LURAP1L: variants seen among roughly 807,000 people sequenced by gnomAD.
LURAP1L encodes leucine rich adaptor protein 1 like, also known as leucine rich adaptor protein 1-like.
A neutral mutation model predicts 13.8 loss-of-function variants in LURAP1L; 12 were observed. The ratio of observed to expected loss-of-function variants is 0.87; its 90% CI spans 0.56 to 1.41. LURAP1L has a LOEUF of 1.41. Among genes scored for constraint, LURAP1L ranks in the 40% most tolerant of loss-of-function variants. The pLI is 0.00. For missense variants in LURAP1L, 375 were observed against 292.9 expected (o/e 1.28, Z -2.04); for synonymous variants, 139 against 119.2 (o/e 1.17, Z -1.08).
At chr9:12,789,562 T>G (rs1338640601) in intron 1 of LURAP1L, among the ~76,000 whole-genome samples, 1 of 152,208 alleles carries the variant, frequency 6.6e-6, no homozygotes, top group Non-Finnish European at 1.5e-5. Context: ...AGGTTCAGAA[T>G]GTCCTCTCTT....
At chr9:12,811,127 T>C (rs1819730434) in intron 1 of LURAP1L, among the ~76,000 whole-genome samples, 1 of 152,168 alleles carries the variant, frequency 6.6e-6, no homozygotes, top group Non-Finnish European at 1.5e-5. Flanking sequence ...TCACCTCCTC[T>C]TTTTCTCCTA....
chr9:12,799,279 G>A (rs1563892964), intron 1 of LURAP1L, among the ~76,000 whole-genome samples: 1 of 152,068 alleles, frequency 6.6e-6, no homozygotes, highest in African/African-American at 2.4e-5. Flanking sequence ...TGATTCCTCT[G>A]TCTGTCTTTA....
intron 1 of LURAP1L, among the ~76,000 whole-genome samples, chr9:12,809,069 A>G (rs772914291): frequency 5.3e-5 from 8 of 152,102 alleles, no homozygotes; most frequent in Non-Finnish European, 8.8e-5. Flanking sequence ...AAGTGACGAG[A>G]TACCACATTC....
intron 1 of LURAP1L, among the ~76,000 whole-genome samples, chr9:12,815,233 G>A (rs954464649): frequency 2.0e-5 from 3 of 152,048 alleles, no homozygotes; most frequent in Admixed American, 2.0e-4. Context: ...TTGGAGAGAG[G>A]GCAAATTTGA....
Position 12,789,876 on chromosome 9 carries a change from A to G in LURAP1L, c.312+13849A>G, listed in dbSNP as rs549416180. Reference sequence around the variant, plus strand: ...GACTACAGATAAAGCCCTTTTTAGGATTATGCAGGAACCATGGACAAGAAT... The same window carrying G: ...GACTACAGATAAAGCCCTTTTTAGGGTTATGCAGGAACCATGGACAAGAAT... On this transcript the variant is annotated intron_variant, in intron 1 of 1. Coordinates refer to ENST00000319264, the MANE Select transcript of LURAP1L (RefSeq NM_203403.2). Among the ~76,000 whole-genome samples, 4 of 152,306 alleles carry G rather than the reference A, an allele frequency of 2.6e-5. No individual in the cohort carries two copies. The South Asian group carries it at 8.3e-4, about 32-fold the overall frequency.
At chr9:12,791,830 G>A (rs1473072931) in intron 1 of LURAP1L, among the ~76,000 whole-genome samples, 1 of 152,000 alleles carries the variant, frequency 6.6e-6, no homozygotes, top group Non-Finnish European at 1.5e-5. Flanking sequence ...GGGCATAAAT[G>A]TTGTCCTTCG....
chr9:12,794,156 T>C (rs1586879592), intron 1 of LURAP1L, among the ~76,000 whole-genome samples: 1 of 151,994 alleles, frequency 6.6e-6, no homozygotes, highest in Non-Finnish European at 1.5e-5. Flanking sequence ...CTTTCCCCCT[T>C]CCTAAACTGG....
chr9:12,808,861 T>G (rs536521853), intron 1 of LURAP1L, among the ~76,000 whole-genome samples: 2 of 152,250 alleles, frequency 1.3e-5, no homozygotes, highest in African/African-American at 4.8e-5. Context: ...TGTTATTCTG[T>G]GTCAGTCCAT....
At chr9:12,792,678 T>G (rs534024214) in intron 1 of LURAP1L, among the ~76,000 whole-genome samples, 1 of 152,080 alleles carries the variant, frequency 6.6e-6, no homozygotes, top group South Asian at 2.1e-4. Context: ...TTAAAATTCA[T>G]ACAAACTCTT....
intron 1 of LURAP1L, among the ~76,000 whole-genome samples, chr9:12,795,119 C>G (rs541152639): frequency 6.6e-6 from 1 of 151,836 alleles, no homozygotes; most frequent in Non-Finnish European, 1.5e-5. Flanking sequence ...AACCCAAGCC[C>G]CATCTCAGTT....
chr9:12,775,114 T>C lies in LURAP1L; in HGVS notation c.-602T>C, dbSNP rs1819147368. 1.3e-5 allele frequency: 2 copies of C among 152,194 alleles called. No homozygotes were observed. Among genetic ancestry groups the C allele is most frequent in the African/African-American group, 4.8e-5 (2 of 41,432 alleles). 9.4% of individuals were successfully genotyped at this position (152,194 alleles called of 1,614,324 possible). A position where few individuals can be genotyped will look rare whatever the true frequency, so the allele number is the denominator to read the frequency against. On this transcript the variant is annotated 5_prime_UTR_variant, in exon 1 of 2. Coordinates refer to ENST00000319264, the MANE Select transcript of LURAP1L (RefSeq NM_203403.2). ...CCTGCTAAGCTAACTAGCTCTTTTT[T>C]ATGGGTCCATGCACACGACCGAACT...
intron 1 of LURAP1L, among the ~76,000 whole-genome samples, chr9:12,817,960 C>G (rs1308993916): frequency 6.6e-6 from 1 of 152,022 alleles, no homozygotes; most frequent in African/African-American, 2.4e-5. Context: ...AACTGACGTG[C>G]CCAGCGCTCC....
At position 12,822,008 on chromosome 9, in the gene LURAP1L, C is replaced by T. The variant is rs1819888659; in HGVS notation, c.*248C>T. 1 of 395,602 alleles carries T rather than the reference C, an allele frequency of 2.5e-6. No homozygotes were observed. Among genetic ancestry groups the T allele is most frequent in the Non-Finnish European group, 4.5e-6 (1 of 224,038 alleles). The allele number at this position is 395,602 out of a possible 1,614,324, so 24.5% of individuals were successfully genotyped here. A position where few individuals can be genotyped will look rare whatever the true frequency, so the allele number is the denominator to read the frequency against. ...CTCCCTTCTTTTACAGTAGCACAAA[C>T]AAAGTAGGGGGAAAAGAATAAGCAA... On this transcript the variant is annotated 3_prime_UTR_variant, in exon 2 of 2. Transcript: ENST00000319264.
rs1586871318 is a variant in LURAP1L, at chr9:12,775,596, C to T, written c.-120C>T. 7 of 1,424,840 alleles carry T rather than the reference C, an allele frequency of 4.9e-6. No individual in the cohort carries two copies. The highest frequency in any genetic ancestry group is 5.5e-6 in the Non-Finnish European group (6 of 1,083,674). 88.3% of individuals were successfully genotyped at this position (1,424,840 alleles called of 1,614,324 possible). On this transcript the variant is annotated 5_prime_UTR_variant, in exon 1 of 2. Transcript: ENST00000319264. ...TTATGGAAAGGACGGTACACCGGAG[C>T]GGCGGAGGATAGAGACCCTGGCCCC...
At chr9:12,788,054 A>G (rs1819382658) in intron 1 of LURAP1L, among the ~76,000 whole-genome samples, 1 of 151,796 alleles carries the variant, frequency 6.6e-6, no homozygotes, top group African/African-American at 2.4e-5. Context: ...AGAGGTTGCA[A>G]TGAACCAACG....
At chr9:12,791,842 C>T (rs1819445343) in intron 1 of LURAP1L, among the ~76,000 whole-genome samples, 2 of 152,238 alleles carry the variant, frequency 1.3e-5, no homozygotes, top group South Asian at 4.1e-4. Flanking sequence ...TGTCCTTCGT[C>T]CATCGTGTGT....
Position 12,802,205 on chromosome 9 carries a change from A to G in LURAP1L, c.313-19181A>G, listed in dbSNP as rs546612198. ...CACTAAAGAATAGGCCTGAGATGCTAATAAAGCCTCTAAGCTATTTTGAGG... is the reference window on the plus strand; with the variant it reads ...CACTAAAGAATAGGCCTGAGATGCTGATAAAGCCTCTAAGCTATTTTGAGG... On this transcript the variant is annotated intron_variant, in intron 1 of 1. Transcript: ENST00000319264. Among the ~76,000 whole-genome samples the G allele has an allele frequency of 1.5e-3, 223 of 152,332 alleles. 1 individual carries two copies. Among genetic ancestry groups the G allele is most frequent in the African/African-American group, 5.2e-3 (216 of 41,580 alleles).
At chr9:12,813,089 T>G (rs1370571296) in intron 1 of LURAP1L, among the ~76,000 whole-genome samples, 1 of 152,168 alleles carries the variant, frequency 6.6e-6, no homozygotes, top group Non-Finnish European at 1.5e-5. Context: ...TCTAATCTGC[T>G]TATTACAAAA....
intron 1 of LURAP1L, among the ~76,000 whole-genome samples, chr9:12,799,804 G>A (rs1005967586): frequency 3.3e-5 from 5 of 151,420 alleles, no homozygotes; most frequent in African/African-American, 1.2e-4. Flanking sequence ...AACCTGGGAG[G>A]CGGAGCTTGC....
Sources: gnomAD v4.1 joint callset for allele counts (sites outside exome capture counted in the v4.1 genomes callset) on GRCh38, gnomAD v4.1.1 for gene constraint, MANE v1.5 for transcripts, NCBI Gene and HGNC (gene_info 2026-07-23, HGNC 2026-07-21) for gene names.